IQSEC2: variants seen among roughly 807,000 people sequenced by gnomAD.
The protein encoded by IQSEC2 is IQ motif and Sec7 domain ArfGEF 2.
IQSEC2 carries 6 observed loss-of-function variants against 74.6 expected under a neutral mutation model. The observed-to-expected ratio is 0.08, with a 90% CI of 0.04 to 0.16. IQSEC2 has a LOEUF of 0.16. IQSEC2 is among the 10% of genes least tolerant of loss of function. IQSEC2 has a pLI of 1.00. For synonymous variants in IQSEC2, 494 were observed against 544.5 expected (o/e 0.91, Z 1.29); for missense variants, 734 against 1,306.2 (o/e 0.56, Z 6.75).
intron 1 of IQSEC2, among the ~76,000 whole-genome samples, chrX:53,304,800 A>G (rs2075244573): frequency 8.9e-6 from 1 of 112,042 alleles, no homozygotes; most frequent in African/African-American, 3.2e-5. Context: ...GCTCCTTTCA[A>G]TCATAAGCAA....
intron 7 of IQSEC2, among the ~76,000 whole-genome samples, chrX:53,247,694 C>G (rs2074328691): frequency 8.9e-6 from 1 of 112,297 alleles, no homozygotes; most frequent in Non-Finnish European, 1.9e-5. Context: ...AATCCTGTTT[C>G]TACCACTTAT....
chrX:53,309,103 CA>C (rs56674253), intron 1 of IQSEC2, among the ~76,000 whole-genome samples: 3,333 of 37,319 alleles, frequency 0.089, 171 homozygotes, highest in African/African-American at 0.26. Context: ...GACCCTGTCT[CA>C]AAAAAAAAAA....
chrX:53,294,737 G>C (rs782576299), intron 1 of IQSEC2, among the ~76,000 whole-genome samples: 1 of 112,190 alleles, frequency 8.9e-6, no homozygotes, highest in African/African-American at 3.2e-5. Context: ...CCAAGGACTA[G>C]ATCCCTCTTC....
At chrX:53,305,188 G>A (rs181662758) in intron 1 of IQSEC2, among the ~76,000 whole-genome samples, 158 of 108,599 alleles carry the variant, frequency 1.5e-3, no homozygotes, top group Non-Finnish European at 2.6e-3. Flanking sequence ...CAAAGTGCTA[G>A]GATTACAAGT....
chrX:53,305,699 G>GTTTGTCTGATTCCAAAACC (rs2146484780), intron 1 of IQSEC2, among the ~76,000 whole-genome samples: 1 of 111,872 alleles, frequency 8.9e-6, no homozygotes, highest in African/African-American at 3.2e-5. Flanking sequence ...TCAAGTCTAG[G>GTTTGTCTGATTCCAAAACC]TTTGTCTGAT....
At position 53,233,560 on chromosome X, in the gene IQSEC2, G is replaced by A. The variant is rs1179656749; in HGVS notation, c.*659C>T. 5.8e-6 allele frequency: 1 copy of A among 173,274 alleles called. No homozygotes were observed. Among genetic ancestry groups the A allele is most frequent in the Non-Finnish European group, 1.1e-5 (1 of 92,560 alleles). 14.3% of individuals were successfully genotyped at this position (173,274 alleles called of 1,213,427 possible). A position where few individuals can be genotyped will look rare whatever the true frequency, so the allele number is the denominator to read the frequency against. The stretch of plus-strand genomic sequence containing the variant: ...AGTTCCTGAAGCCGAAGAGGTCTGG[G>A]CTGGGGCCTACTGGAGAAAGGGCAT... On this transcript the variant is annotated 3_prime_UTR_variant, in exon 15 of 15. Transcript: ENST00000642864.
At chrX:53,284,133 G>A (rs2075002690) in intron 2 of IQSEC2, among the ~76,000 whole-genome samples, 1 of 111,019 alleles carries the variant, frequency 9.0e-6, no homozygotes, top group Admixed American at 9.5e-5. Flanking sequence ...GGCATGTGGG[G>A]TGGGGAGTAT....
At chrX:53,248,943 A>C in intron 5 of IQSEC2, 61 bp from the exon 6 acceptor site, 28 of 1,132,702 alleles carry the variant, frequency 2.5e-5, no homozygotes, top group Non-Finnish European at 3.0e-5. Flanking sequence ...TCTCTGTCTC[A>C]TTTGTTGAAC....
At chrX:53,236,062 G>A (rs1569292599) in intron 13 of IQSEC2, among the ~76,000 whole-genome samples, 2 of 111,623 alleles carry the variant, frequency 1.8e-5, no homozygotes, top group African/African-American at 3.3e-5. Flanking sequence ...AGAAGAGGGA[G>A]AAGAGGAGGA....
chrX:53,260,023 C>T (rs1306249972), intron 2 of IQSEC2, among the ~76,000 whole-genome samples: 5 of 111,339 alleles, frequency 4.5e-5, no homozygotes, highest in African/African-American at 1.6e-4. Flanking sequence ...GTGGCTGGGA[C>T]CCAGAGAATG....
chrX:53,256,150 C>A lies in IQSEC2; in HGVS notation c.738-89G>T. ...TGAGAGTGGGTGAGCCAGATCCCTG[C>A]CCCCCATCCCATCCACCCCAGCTTC... On this transcript the variant is annotated intron_variant, in intron 2 of 14. Transcript: ENST00000642864. 4 of 885,875 alleles carry A rather than the reference C, an allele frequency of 4.5e-6. No homozygotes were observed. The East Asian group carries it at 1.0e-4, about 23-fold the overall frequency. The allele number at this position is 885,875 out of a possible 1,213,427, so 73.0% of individuals were successfully genotyped here. A position where few individuals can be genotyped will look rare whatever the true frequency, so the allele number is the denominator to read the frequency against.
chrX:53,254,521 G>A lies in IQSEC2; in HGVS notation c.1401+9C>T. On this transcript the variant is annotated intron_variant, in intron 4 of 14. Coordinates refer to ENST00000642864, the MANE Select transcript of IQSEC2 (RefSeq NM_001111125.3). Reference sequence around the variant, plus strand: ...ATGGGGAAGAAAGGTCCTTTTCAGGGATCCTGACCTGTTTGGAGAAGGAGT... The same window carrying A: ...ATGGGGAAGAAAGGTCCTTTTCAGGAATCCTGACCTGTTTGGAGAAGGAGT... 1 of 1,192,792 alleles carries A rather than the reference G, an allele frequency of 8.4e-7. No homozygotes were observed. Among genetic ancestry groups the A allele is most frequent in the Non-Finnish European group, 1.1e-6 (1 of 887,555 alleles).
intron 4 of IQSEC2, among the ~76,000 whole-genome samples, chrX:53,253,756 G>A (rs1602289714): frequency 9.0e-6 from 1 of 111,223 alleles, no homozygotes; most frequent in African/African-American, 3.3e-5. Flanking sequence ...CCACTGCCCT[G>A]GGATCCTTGA....
Position 53,287,165 on chromosome X carries a change from A to T in IQSEC2, c.737+4730T>A, listed in dbSNP as rs145311782. ...TAGATTCTGTGAAATGTAGCCTCAC[A>T]ATAGTCCCCTCATTAGCCCTTTATT... On this transcript the variant is annotated intron_variant, in intron 2 of 14. Coordinates refer to ENST00000642864, the MANE Select transcript of IQSEC2 (RefSeq NM_001111125.3). 8.4e-3 allele frequency among the ~76,000 whole-genome samples: 933 copies of T among 111,144 alleles called. 8 individuals are homozygous for T. Among genetic ancestry groups the T allele is most frequent in the African/African-American group, 0.029 (891 of 30,549 alleles).
chrX:53,299,477 A>C (rs2075188750), intron 1 of IQSEC2, among the ~76,000 whole-genome samples: 1 of 110,789 alleles, frequency 9.0e-6, no homozygotes, highest in Admixed American at 9.6e-5. Context: ...CTTTGATCTC[A>C]TCTGTGTACC....
At chrX:53,254,311 C>T (rs976659188) in intron 4 of IQSEC2, among the ~76,000 whole-genome samples, 15 of 88,349 alleles carry the variant, frequency 1.7e-4, no homozygotes, top group Non-Finnish European at 3.2e-4. Context: ...GCCTGGGTGT[C>T]GAGAGCGAAA....
chrX:53,234,331 AG>A lies in IQSEC2; in HGVS notation c.4354del (p.Leu1452PhefsTer43). The A allele has an allele frequency of 4.0e-6, 1 of 252,848 alleles. No individual in the cohort carries two copies. Among genetic ancestry groups the A allele is most frequent in the Non-Finnish European group, 5.9e-6 (1 of 168,581 alleles). 20.8% of individuals were successfully genotyped at this position (252,848 alleles called of 1,213,427 possible). On this transcript the variant is annotated frameshift_variant, in exon 15 of 15. Transcript: ENST00000642864. LOFTEE classifies it high-confidence loss of function. ...CGGGCCATGGGGGGAGGTGGGTGGAAGGGGTGAGTGCGGGGTGTGAGGGGAG... is the reference window on the plus strand; with the variant it reads ...CGGGCCATGGGGGGAGGTGGGTGGAAGGGTGAGTGCGGGGTGTGAGGGGAG... ...PPSPHTPHSP[L>X]PPTSPHGPLH...
chrX:53,280,295 C>T (rs1426197741), intron 2 of IQSEC2, among the ~76,000 whole-genome samples: 3 of 109,162 alleles, frequency 2.7e-5, no homozygotes, highest in Non-Finnish European at 5.7e-5. Context: ...AAGCTCTGGG[C>T]CCAAAGAAGG....
chrX:53,300,666 C>G (rs1411236387), intron 1 of IQSEC2, among the ~76,000 whole-genome samples: 2 of 111,546 alleles, frequency 1.8e-5, no homozygotes, highest in Non-Finnish European at 3.8e-5. Flanking sequence ...GCTAGAGGGA[C>G]CATCTAGAAA....
Sources: allele counts gnomAD v4.1 joint callset (sites outside exome capture counted in the v4.1 genomes callset), GRCh38; gene constraint gnomAD v4.1.1; transcripts MANE v1.5; gene names NCBI Gene and HGNC (gene_info 2026-07-23, HGNC 2026-07-21).